FOXP1: variants seen among roughly 807,000 people sequenced by gnomAD.
FOXP1 encodes forkhead box P1, also known as forkhead box protein P1.
A neutral mutation model predicts 98.2 loss-of-function variants in FOXP1; 15 were observed. The ratio of observed to expected loss-of-function variants is 0.15; its 90% confidence interval spans 0.10 to 0.24. FOXP1 has a LOEUF of 0.24. Ranked by LOEUF, FOXP1 falls within the 10% of genes least tolerant of loss-of-function variation. The pLI, the probability that FOXP1 is intolerant of heterozygous loss-of-function variation, is 1.00. For missense variants in FOXP1, 633 were observed against 848.5 expected, an observed-to-expected ratio of 0.75 and a Z score of 3.15; for synonymous variants, 371 against 314.5, an observed-to-expected ratio of 1.18 and a Z score of -1.90.
intron 3 of FOXP1, among the ~76,000 whole-genome samples, chr3:71,400,988 T>C (rs2081924533): frequency 6.6e-6 from 1 of 152,188 alleles, no homozygotes. Flanking sequence ...CTACATGCTG[T>C]CAGTTTGCTT....
intron 3 of FOXP1, among the ~76,000 whole-genome samples, chr3:71,387,144 G>A (rs535530918): frequency 2.4e-4 from 36 of 152,214 alleles, no homozygotes; most frequent in African/African-American, 8.7e-4. Context: ...GCTTCATGAC[G>A]GTAACAAAAT....
Position 70,978,347 on chromosome 3 carries a change from TA to T in FOXP1, c.1147-319del, listed in dbSNP as rs148275435. On this transcript the variant is annotated intron_variant, in intron 14 of 20. Transcript: ENST00000649528. Reference sequence around the variant, plus strand: ...TTATTTCATTGTGATGTCTCACCTATAGGCTTTGATCGCCCATCAGGCCTTG... The same window carrying T: ...TTATTTCATTGTGATGTCTCACCTATGGCTTTGATCGCCCATCAGGCCTTG... 9.7e-3 allele frequency among the ~76,000 whole-genome samples: 1,456 copies of T among 150,556 alleles called. 23 individuals are homozygous for T. The highest frequency in any genetic ancestry group is 0.035 in the African/African-American group (1,413 of 39,954).
chr3:71,269,061 T>G (rs916503794), intron 5 of FOXP1, among the ~76,000 whole-genome samples: 4 of 151,670 alleles, frequency 2.6e-5, no homozygotes, highest in African/African-American at 9.7e-5. Flanking sequence ...TGCAGGCCCT[T>G]CCTGGACTCA....
At chr3:71,314,399 G>C (rs773338479) in intron 4 of FOXP1, among the ~76,000 whole-genome samples, 12 of 152,024 alleles carry the variant, frequency 7.9e-5, no homozygotes, top group South Asian at 4.2e-4. Flanking sequence ...GTGGTGGCGG[G>C]AGCCTGTAAT....
intron 5 of FOXP1, among the ~76,000 whole-genome samples, chr3:71,273,131 C>G (rs1185303458): frequency 4.6e-5 from 7 of 152,214 alleles, no homozygotes; most frequent in Non-Finnish European, 7.3e-5. Flanking sequence ...CTTCTTCCTT[C>G]TGGTCCTTGT....
intron 7 of FOXP1, among the ~76,000 whole-genome samples, chr3:71,082,109 T>G (rs1283320123): frequency 6.6e-6 from 1 of 151,702 alleles, no homozygotes; most frequent in African/African-American, 2.4e-5. Flanking sequence ...TGAAACCTCA[T>G]CTCTACTAAA....
At chr3:71,282,986 G>A (rs2071724758) in intron 5 of FOXP1, among the ~76,000 whole-genome samples, 1 of 152,130 alleles carries the variant, frequency 6.6e-6, no homozygotes, top group Non-Finnish European at 1.5e-5. Context: ...GTGGTAGCAG[G>A]AATCAGACAA....
chr3:71,215,789 C>G (rs1369812937), intron 5 of FOXP1, among the ~76,000 whole-genome samples: 1 of 152,182 alleles, frequency 6.6e-6, no homozygotes, highest in Non-Finnish European at 1.5e-5. Flanking sequence ...TAAGAATCAG[C>G]TCTTGTTTAC....
chr3:71,126,259 C>T lies in FOXP1; in HGVS notation c.181-13622G>A, dbSNP rs147139308. Among the ~76,000 whole-genome samples, 447 of 148,166 alleles carry T rather than the reference C, an allele frequency of 3.0e-3. 4 individuals carry two copies. The highest frequency in any genetic ancestry group is 0.011 in the African/African-American group (431 of 40,176). ...CAGCAATTTGGGAGGCCAAGGCGGG[C>T]GGATCACCAGGTCAGGAGATCGAGA... On this transcript the variant is annotated intron_variant, in intron 6 of 20. Coordinates refer to ENST00000649528, the MANE Select transcript of FOXP1 (RefSeq NM_001349338.3).
intron 5 of FOXP1, among the ~76,000 whole-genome samples, chr3:71,295,471 A>ACC (rs2073190315): frequency 6.6e-6 from 1 of 152,156 alleles, no homozygotes; most frequent in Admixed American, 6.6e-5. Context: ...TCTAACATAA[A>ACC]ACACCTTAAA....
intron 11 of FOXP1, among the ~76,000 whole-genome samples, chr3:71,035,091 T>C (rs2047404908): frequency 6.6e-6 from 1 of 152,202 alleles, no homozygotes; most frequent in African/African-American, 2.4e-5. Flanking sequence ...CCTGAGGCTC[T>C]TGTTACAATG....
At chr3:71,273,716 TG>T (rs901912715) in intron 5 of FOXP1, among the ~76,000 whole-genome samples, 15 of 151,928 alleles carry the variant, frequency 9.9e-5, no homozygotes, top group African/African-American at 2.7e-4. Context: ...AAAAAGAAAC[TG>T]GGGGGAGGGA....
chr3:70,971,290 C>T (rs948836343), intron 18 of FOXP1: 1 of 191,736 alleles, frequency 5.2e-6, no homozygotes, highest in East Asian at 1.3e-4. Context: ...CCACAAGGCA[C>T]GTTTATTGCC....
chr3:71,256,477 G>A (rs576062893), intron 5 of FOXP1, among the ~76,000 whole-genome samples: 72 of 152,192 alleles, frequency 4.7e-4, no homozygotes, highest in African/African-American at 1.5e-3. Context: ...TCCACCTCTC[G>A]GGTTCACACC....
chr3:71,298,427 T>C (rs551475604), intron 5 of FOXP1, among the ~76,000 whole-genome samples: 16 of 151,466 alleles, frequency 1.1e-4, no homozygotes, highest in African/African-American at 3.9e-4. Flanking sequence ...ATCCCGCCAC[T>C]GCACTCCAGC....
At chr3:71,183,177 C>CGGT (rs1270313359) in intron 6 of FOXP1, among the ~76,000 whole-genome samples, 13 of 152,030 alleles carry the variant, frequency 8.6e-5, no homozygotes, top group African/African-American at 3.1e-4. Flanking sequence ...ATGATCATGG[C>CGGT]GGTGGTGGTG....
intron 3 of FOXP1, among the ~76,000 whole-genome samples, chr3:71,379,867 G>A (rs1243946800): frequency 6.6e-6 from 1 of 152,122 alleles, no homozygotes; most frequent in African/African-American, 2.4e-5. Flanking sequence ...CCATTGTTCT[G>A]GCTTCATAGT....
intron 13 of FOXP1, among the ~76,000 whole-genome samples, chr3:70,990,455 T>C (rs182585221): frequency 6.9e-6 from 1 of 145,836 alleles, no homozygotes; most frequent in Non-Finnish European, 1.5e-5. Context: ...CATCATCCCA[T>C]GAGCTCACCA....
At chr3:71,245,323 G>A (rs1174109780) in intron 5 of FOXP1, 10 of 151,826 alleles carry the variant, frequency 6.6e-5, no homozygotes, top group Admixed American at 6.6e-4. Flanking sequence ...AATGGTGTTG[G>A]GGTCAGTCCT....
Sources: allele counts gnomAD v4.1 joint callset (sites outside exome capture counted in the v4.1 genomes callset), GRCh38; gene constraint gnomAD v4.1.1; transcripts MANE v1.5; gene names NCBI Gene and HGNC (gene_info 2026-07-23, HGNC 2026-07-21).